CDH12: variants seen among roughly 807,000 people sequenced by gnomAD.
CDH12 encodes the protein cadherin-12.
A neutral mutation model predicts 74.1 loss-of-function variants in CDH12; 41 were observed. The observed-to-expected ratio is 0.55, with a 90% CI of 0.43 to 0.72. The LOEUF is 0.72. CDH12 is among the 30% of genes least tolerant of loss of function. The pLI is 0.00. For synonymous variants in CDH12, 399 were observed against 355.0 expected (o/e 1.12, Z -1.39); for missense variants, 945 against 977.2 (o/e 0.97, Z 0.44).
chr5:22,262,375 T>C (rs1753552676), intron 3 of CDH12, among the ~76,000 whole-genome samples: 1 of 151,340 alleles, frequency 6.6e-6, no homozygotes, highest in African/African-American at 2.4e-5. Context: ...GGTGTTTGGT[T>C]TTTTGTTCTT....
intron 3 of CDH12, among the ~76,000 whole-genome samples, chr5:22,287,169 A>G (rs1017506020): frequency 1.2e-4 from 19 of 152,190 alleles, no homozygotes; most frequent in African/African-American, 4.1e-4. Context: ...CATAAGACAC[A>G]ACAAACTTTG....
chr5:22,714,380 C>A (rs773793861), intron 1 of CDH12, among the ~76,000 whole-genome samples: 6 of 152,114 alleles, frequency 3.9e-5, no homozygotes, highest in Non-Finnish European at 8.8e-5. Context: ...TGCATACCTG[C>A]TCCATGGAGC....
intron 2 of CDH12, among the ~76,000 whole-genome samples, chr5:22,442,771 C>T (rs1479054662): frequency 6.6e-6 from 1 of 152,108 alleles, no homozygotes; most frequent in African/African-American, 2.4e-5. Context: ...TATCCTATGA[C>T]TGACTAAAAA....
chr5:22,496,694 C>T (rs1346145432), intron 2 of CDH12, among the ~76,000 whole-genome samples: 1 of 152,188 alleles, frequency 6.6e-6, no homozygotes, highest in East Asian at 1.9e-4. Flanking sequence ...TTCCAATCAT[C>T]TGTGCTCAGT....
At chr5:21,991,398 G>A (rs1333879275) in intron 5 of CDH12, among the ~76,000 whole-genome samples, 1 of 151,094 alleles carries the variant, frequency 6.6e-6, no homozygotes, top group Non-Finnish European at 1.5e-5. Context: ...TGTGTTTTAT[G>A]TGAGAGAAAA....
chr5:22,474,013 A>G (rs1388243339), intron 2 of CDH12, among the ~76,000 whole-genome samples: 1 of 152,166 alleles, frequency 6.6e-6, no homozygotes, highest in Non-Finnish European at 1.5e-5. Context: ...AGATGATGAA[A>G]TACATGATGA....
chr5:22,237,128 GT>G (rs1752586900), intron 3 of CDH12, among the ~76,000 whole-genome samples: 1 of 152,010 alleles, frequency 6.6e-6, no homozygotes, highest in Non-Finnish European at 1.5e-5. Context: ...CAGTTAGTTT[GT>G]TTACACCAGC....
At chr5:22,681,455 T>C (rs1407878135) in intron 1 of CDH12, among the ~76,000 whole-genome samples, 1 of 151,974 alleles carries the variant, frequency 6.6e-6, no homozygotes, top group Admixed American at 6.6e-5. Context: ...AGGTAATTAG[T>C]GGAGATCATT....
At chr5:22,304,706 GGA>G (rs1738029801) in intron 3 of CDH12, among the ~76,000 whole-genome samples, 1 of 152,086 alleles carries the variant, frequency 6.6e-6, no homozygotes, top group Admixed American at 6.6e-5. Context: ...TATAACCTGA[GGA>G]CATAAGCAAC....
intron 5 of CDH12, among the ~76,000 whole-genome samples, chr5:22,005,576 T>TAA (rs34608588): frequency 2.8e-5 from 4 of 142,714 alleles, no homozygotes; most frequent in East Asian, 2.1e-4. Context: ...GTGATCTACT[T>TAA]AAAAAAAAAA....
At chr5:22,737,780 T>A (rs757686698) in intron 1 of CDH12, among the ~76,000 whole-genome samples, 9 of 152,096 alleles carry the variant, frequency 5.9e-5, no homozygotes, top group Admixed American at 5.3e-4. Flanking sequence ...AGACATATTC[T>A]TTGTATATTT....
chr5:22,289,014 A>G (rs1737274339), intron 3 of CDH12, among the ~76,000 whole-genome samples: 1 of 152,172 alleles, frequency 6.6e-6, no homozygotes, highest in African/African-American at 2.4e-5. Context: ...CTCCATCTAT[A>G]AAACAAAAAG....
At chr5:22,384,994 A>C (rs1741939588) in intron 3 of CDH12, among the ~76,000 whole-genome samples, 1 of 152,168 alleles carries the variant, frequency 6.6e-6, no homozygotes, top group African/African-American at 2.4e-5. Flanking sequence ...TGTTAAACTA[A>C]ATAAAATTTT....
chr5:21,844,495 A>G (rs1253561523), intron 7 of CDH12, among the ~76,000 whole-genome samples: 1 of 152,182 alleles, frequency 6.6e-6, no homozygotes, highest in Admixed American at 6.6e-5. Flanking sequence ...TCCTCTGTCT[A>G]AGTTCTACAT....
chr5:22,264,367 A>C (rs1753631343), intron 3 of CDH12, among the ~76,000 whole-genome samples: 1 of 152,154 alleles, frequency 6.6e-6, no homozygotes. Context: ...CATTTTTTAA[A>C]TGTTTGAATA....
intron 2 of CDH12, among the ~76,000 whole-genome samples, chr5:22,425,352 TTAA>T (rs1446322804): frequency 6.6e-6 from 1 of 151,302 alleles, no homozygotes; most frequent in Non-Finnish European, 1.5e-5. Flanking sequence ...TTCTTTTGCC[TTAA>T]TAATAGTGTG....
intron 1 of CDH12, among the ~76,000 whole-genome samples, chr5:22,690,866 C>T (rs1482856823): frequency 6.6e-6 from 1 of 152,066 alleles, no homozygotes; most frequent in East Asian, 1.9e-4. Context: ...CACTATTTCT[C>T]ATGAGACAGT....
chr5:22,082,070 A>G (rs1241699711), intron 4 of CDH12, among the ~76,000 whole-genome samples: 1 of 152,176 alleles, frequency 6.6e-6, no homozygotes, highest in African/African-American at 2.4e-5. Flanking sequence ...TATGTCTTCC[A>G]CCCACAAATT....
At chr5:21,962,016 C>T (rs1383947485) in intron 6 of CDH12, among the ~76,000 whole-genome samples, 1 of 152,058 alleles carries the variant, frequency 6.6e-6, no homozygotes, top group African/African-American at 2.4e-5. Flanking sequence ...TGTTACCTTC[C>T]TTAGAGTAAA....
Sources: allele counts gnomAD v4.1 joint callset (sites outside exome capture counted in the v4.1 genomes callset), GRCh38; gene constraint gnomAD v4.1.1; transcripts MANE v1.5; gene names NCBI Gene and HGNC (gene_info 2026-07-23, HGNC 2026-07-21).